TBC1D4: variants seen among roughly 807,000 people sequenced by gnomAD.
TBC1D4 encodes TBC (Tre-2, BUB2, CDC16) domain-containing protein.
Under a neutral mutation model 142.5 loss-of-function variants are expected in TBC1D4, and 121 were observed. The observed-to-expected ratio is 0.85, with a 90% confidence interval of 0.73 to 0.99. TBC1D4 has a LOEUF of 0.99. TBC1D4 is among the 50% of genes least tolerant of loss of function. TBC1D4 has a pLI of 0.00. For missense variants in TBC1D4, 1,475 were observed against 1,606.6 expected (o/e 0.92, Z 1.40); for synonymous variants, 630 against 628.2 (o/e 1.00, Z -0.04).
intron 1 of TBC1D4, among the ~76,000 whole-genome samples, chr13:75,467,905 C>A (rs1370173809): frequency 2.0e-5 from 3 of 152,150 alleles, no homozygotes; most frequent in Admixed American, 6.5e-5. Context: ...ATCCAGAATA[C>A]AAACCCTGTA....
intron 1 of TBC1D4, among the ~76,000 whole-genome samples, chr13:75,446,862 G>T: frequency 6.6e-6 from 1 of 151,992 alleles, no homozygotes; most frequent in East Asian, 1.9e-4. Context: ...ACAAACAGGT[G>T]AAGTAAGAGA....
chr13:75,460,164 A>T (rs2328942), intron 1 of TBC1D4, among the ~76,000 whole-genome samples: 123,142 of 150,478 alleles, frequency 0.82, 50,674 homozygotes, highest in Non-Finnish European at 0.89. Context: ...TAAAAAAAAA[A>T]AATAATAATA....
intron 5 of TBC1D4, among the ~76,000 whole-genome samples, chr13:75,342,309 C>A (rs1031243572): frequency 1.3e-5 from 2 of 152,174 alleles, no homozygotes; most frequent in African/African-American, 2.4e-5. Flanking sequence ...GATGATTTAA[C>A]ATTAACCTAA....
intron 3 of TBC1D4, among the ~76,000 whole-genome samples, chr13:75,359,009 C>T (rs781707178): frequency 2.0e-5 from 3 of 152,070 alleles, no homozygotes; most frequent in African/African-American, 7.2e-5. Flanking sequence ...GATAGGCCGG[C>T]GTGGCTTTTC....
chr13:75,462,285 A>G (rs956338983), intron 1 of TBC1D4, among the ~76,000 whole-genome samples: 4 of 152,230 alleles, frequency 2.6e-5, no homozygotes, highest in African/African-American at 9.6e-5. Flanking sequence ...GAGGTGTCCA[A>G]CGTTCTAAGC....
chr13:75,426,339 T>C (rs964414406), intron 1 of TBC1D4, among the ~76,000 whole-genome samples: 1 of 152,204 alleles, frequency 6.6e-6, no homozygotes, highest in African/African-American at 2.4e-5. Flanking sequence ...TGATAATGTT[T>C]AAGTCACAGA....
rs115159954 is a variant in TBC1D4 at position 75,373,436 on chromosome 13, C to T, written c.499-10829G>A. On this transcript the variant is annotated intron_variant, in intron 1 of 20. Coordinates refer to ENST00000377636, the MANE Select transcript of TBC1D4 (RefSeq NM_014832.5). The stretch of plus-strand genomic sequence containing the variant: ...CCATCCGGGGATAAAAATGAAAACA[C>T]ACATTCACCTCTCTCCAAAATTAGG... Among the ~76,000 whole-genome samples, 315 of 152,228 alleles carry T rather than the reference C, an allele frequency of 2.1e-3. 2 individuals carry two copies. The highest frequency in any genetic ancestry group is 7.4e-3 in the African/African-American group (306 of 41,544).
intron 1 of TBC1D4, among the ~76,000 whole-genome samples, chr13:75,468,654 C>CA (rs1406020624): frequency 2.0e-5 from 3 of 152,062 alleles, no homozygotes; most frequent in African/African-American, 4.8e-5. Context: ...GTAGCCATAA[C>CA]AAAAAATATC....
chr13:75,386,386 C>CTTTTTTTTTTT (rs67450573), intron 1 of TBC1D4, among the ~76,000 whole-genome samples: 1 of 143,754 alleles, frequency 7.0e-6, no homozygotes, highest in African/African-American at 2.6e-5. Flanking sequence ...TTTTCTTTTT[C>CTTTTTTTTTTT]TTTTTCTTTT....
intron 1 of TBC1D4, among the ~76,000 whole-genome samples, chr13:75,447,509 T>TGA (rs761567957): frequency 2.6e-5 from 4 of 151,222 alleles, no homozygotes; most frequent in South Asian, 2.1e-4. Context: ...AATGTGTGTG[T>TGA]GTGTGTGTGT....
intron 1 of TBC1D4, among the ~76,000 whole-genome samples, chr13:75,451,790 A>G (rs1400328018): frequency 2.0e-5 from 3 of 149,448 alleles, no homozygotes; most frequent in East Asian, 3.9e-4. Context: ...AATATAATAT[A>G]CACTAAATAT....
Position 75,287,126 on chromosome 13 carries a change from A to G in TBC1D4, c.3664-101T>C. On this transcript the variant is annotated intron_variant, in intron 20 of 20. Coordinates refer to ENST00000377636, the MANE Select transcript of TBC1D4 (RefSeq NM_014832.5). ...ATTACTTCAAATTACTTAATAAAAT[A>G]TTATGTGAAGCAAATACTCTGAAAA... The G allele has an allele frequency of 4.0e-6, 4 of 997,916 alleles. No homozygotes were observed. The South Asian group carries it at 4.2e-5, about 10-fold the overall frequency. The allele number at this position is 997,916 out of a possible 1,614,324, so 61.8% of individuals were successfully genotyped here. A position where few individuals can be genotyped will look rare whatever the true frequency, so the allele number is the denominator to read the frequency against.
chr13:75,444,299 C>T (rs1420610991), intron 1 of TBC1D4, among the ~76,000 whole-genome samples: 1 of 151,976 alleles, frequency 6.6e-6, no homozygotes, highest in African/African-American at 2.4e-5. Flanking sequence ...ATGCTCGGCT[C>T]ATTGAGGTAT....
intron 1 of TBC1D4, among the ~76,000 whole-genome samples, chr13:75,462,952 T>A (rs1173980388): frequency 6.6e-6 from 1 of 152,184 alleles, no homozygotes; most frequent in Non-Finnish European, 1.5e-5. Flanking sequence ...TGGGTAATAA[T>A]GTCCTTGCAA....
chr13:75,384,141 G>A (rs1884031232), intron 1 of TBC1D4, among the ~76,000 whole-genome samples: 1 of 152,046 alleles, frequency 6.6e-6, no homozygotes, highest in African/African-American at 2.4e-5. Flanking sequence ...CTTATCTCCA[G>A]GCCAGGTGCA....
intron 1 of TBC1D4, among the ~76,000 whole-genome samples, chr13:75,472,120 A>G (rs1050171979): frequency 3.8e-4 from 57 of 150,808 alleles, no homozygotes; most frequent in African/African-American, 1.2e-3. Flanking sequence ...AAAAAAAAAA[A>G]AAAAAAGAAA....
intron 18 of TBC1D4, among the ~76,000 whole-genome samples, chr13:75,294,268 T>C (rs549905834): frequency 1.3e-5 from 2 of 152,326 alleles, no homozygotes; most frequent in African/African-American, 4.8e-5. Flanking sequence ...ACTCAGTAAC[T>C]TGCCCTGAGC....
In TBC1D4 at chr13:75,481,541, G is replaced by A; in HGVS notation, c.227C>T (p.Ala76Val). The change falls in exon 1 of 21, where the codon GCG (alanine) becomes GTG (valine). Residue 76 changes from alanine to valine, a missense_variant. Physicochemically the swap from Ala to Val is moderately conservative, Grantham distance 64. This residue lies in a region of TBC1D4 where 1,227 missense variants were observed against 1,267.7 expected (regional missense o/e 0.97). Coordinates refer to ENST00000377636, the MANE Select transcript of TBC1D4 (RefSeq NM_014832.5). The part of the protein sequence containing the change: ...SQKPEAGGCG[A>V]PAAREVILVL... ...CAGGATCACCTCTCGGGCCGCCGGC[G>A]CCCCGCAGCCGCCCGCCTCGGGCTT... 1.9e-6 allele frequency: 3 copies of A among 1,595,058 alleles called. No individual in the cohort carries two copies. Among genetic ancestry groups the A allele is most frequent in the Non-Finnish European group, 2.6e-6 (3 of 1,171,662 alleles).
intron 10 of TBC1D4, among the ~76,000 whole-genome samples, chr13:75,324,989 A>G (rs1303919401): frequency 1.3e-5 from 2 of 152,236 alleles, no homozygotes; most frequent in African/African-American, 4.8e-5. Flanking sequence ...AGCTTTCACA[A>G]TGACACAGAG....
Sources: allele counts gnomAD v4.1 joint callset (sites outside exome capture counted in the v4.1 genomes callset), GRCh38; gene constraint gnomAD v4.1.1; regional missense constraint gnomAD v4.1.1; transcripts MANE v1.5; gene names NCBI Gene and HGNC (gene_info 2026-07-23, HGNC 2026-07-21).